ATG2B: variants seen among roughly 807,000 people sequenced by gnomAD.
ATG2B encodes the protein autophagy related 2B.
ATG2B carries 121 observed loss-of-function variants against 241.3 expected under a neutral mutation model. The observed-to-expected ratio is 0.50, with a 90% CI of 0.43 to 0.58. The LOEUF (loss-of-function observed/expected upper bound fraction) is 0.58, where lower values mean the gene tolerates loss of function less well. ATG2B is among the 20% of genes least tolerant of loss of function. The pLI, the probability that ATG2B is intolerant of heterozygous loss-of-function variation, is 0.00. For missense variants in ATG2B, 2,306 were observed against 2,491.6 expected (o/e 0.93, Z 1.59); for synonymous variants, 858 against 876.6 (o/e 0.98, Z 0.37).
At position 96,325,849 on chromosome 14, in the gene ATG2B, G is replaced by C; in HGVS notation, c.2237C>G (p.Ala746Gly). Reference protein sequence around the residue: ...PANCRISVQVATPALNLSVRF... With the variant: ...PANCRISVQVGTPALNLSVRF... ...AACAGAAAGGTTTAATGCTGGTGTG[G>C]CAACTTGTACTGATATCCGACAATT... The change falls in exon 15 of 42, where the codon GCC becomes GGC. Residue 746 changes from alanine to glycine, a missense_variant. Coordinates refer to ENST00000359933, the MANE Select transcript of ATG2B (RefSeq NM_018036.7). 4 of 1,613,964 alleles carry C rather than the reference G, an allele frequency of 2.5e-6. No homozygotes were observed. Among genetic ancestry groups the C allele is most frequent in the Non-Finnish European group, 3.4e-6 (4 of 1,179,982 alleles).
rs1888723402 is a variant in ATG2B, at chr14:96,363,038, A to G, written c.-62T>C. 1.3e-6 allele frequency: 2 copies of G among 1,595,630 alleles called. No individual in the cohort carries two copies. Among genetic ancestry groups the G allele is most frequent in the African/African-American group, 1.3e-5 (1 of 74,462 alleles). On this transcript the variant is annotated 5_prime_UTR_variant, in exon 1 of 42. Coordinates refer to ENST00000359933, the MANE Select transcript of ATG2B (RefSeq NM_018036.7). ...GTTGCGACGGCTCCGGCCTCGGGGTAGCGACTCCGGCTCCAGGCCGCGGCG... is the reference window on the plus strand; with the variant it reads ...GTTGCGACGGCTCCGGCCTCGGGGTGGCGACTCCGGCTCCAGGCCGCGGCG...
chr14:96,318,435 T>C (rs1887374092), intron 18 of ATG2B: 1 of 152,202 alleles, frequency 6.6e-6, no homozygotes, highest in Non-Finnish European at 1.5e-5. Flanking sequence ...TTATGTAGAT[T>C]ACATCCAGCT....
At chr14:96,324,149 T>C in intron 15 of ATG2B, 151 bp from the exon 16 acceptor site, 1 of 589,836 alleles carries the variant, frequency 1.7e-6, no homozygotes, top group East Asian at 2.9e-5. Context: ...GCACGTGTGG[T>C]AGACAGAATG....
In ATG2B at chr14:96,322,597, T is replaced by C; in HGVS notation, c.2679A>G (p.Leu893=). 1 of 1,613,694 alleles carries C rather than the reference T, an allele frequency of 6.2e-7. No individual in the cohort carries two copies. The highest frequency in any genetic ancestry group is 8.5e-7 in the Non-Finnish European group (1 of 1,179,904). Residue 893 remains leucine, a synonymous_variant, in exon 17 of 42, where the codon CTA becomes CTG. Coordinates refer to ENST00000359933, the MANE Select transcript of ATG2B (RefSeq NM_018036.7). ...AAAAAGGAGATGGGGCTGGTCTTCT[T>C]AGATCACAAACATCTTTCAAGGAAT... The part of the protein sequence containing the change: ...GAHSLKDVCD[L]RRPAPSPFSS...
At position 96,289,694 on chromosome 14, in the gene ATG2B, TCAGG is replaced by T; in HGVS notation, c.5964_5967del (p.Asp1988GlufsTer12). On this transcript the variant is annotated frameshift_variant, in exon 41 of 42. Transcript: ENST00000359933. LOFTEE classifies it high-confidence loss of function. The surrounding 1 kb of genome is among the most constrained non-coding windows in gnomAD (Gnocchi z 4.3). The stretch of plus-strand genomic sequence containing the variant: ...CTGTAGGCCTTGGCCACACCTTCCC[TCAGG>T]TCTACTGGCTGGTGGGCTAACCGGT... The T allele has an allele frequency of 6.2e-7, 1 of 1,614,200 alleles. No homozygotes were observed. Among genetic ancestry groups the T allele is most frequent in the Non-Finnish European group, 8.5e-7 (1 of 1,180,018 alleles).
intron 6 of ATG2B, among the ~76,000 whole-genome samples, chr14:96,338,544 A>AC (rs1397980862): frequency 1.3e-5 from 2 of 152,122 alleles, no homozygotes; most frequent in African/African-American, 2.4e-5. Context: ...TGGTTAAAAC[A>AC]CCCCCTATTC....
intron 21 of ATG2B, among the ~76,000 whole-genome samples, chr14:96,316,239 A>G (rs1410086791): frequency 6.6e-6 from 1 of 152,198 alleles, no homozygotes; most frequent in Non-Finnish European, 1.5e-5. Flanking sequence ...GGTAATAAAC[A>G]TGTTTTAAAA....
chr14:96,327,383 T>C (rs75015425), intron 14 of ATG2B, among the ~76,000 whole-genome samples: 2 of 152,156 alleles, frequency 1.3e-5, no homozygotes, highest in Admixed American at 6.5e-5. Context: ...CCTGGTCCTC[T>C]GGCCCCAAAA....
At chr14:96,307,754 T>C (rs1886993435) in intron 29 of ATG2B, among the ~76,000 whole-genome samples, 1 of 152,092 alleles carries the variant, frequency 6.6e-6, no homozygotes, top group Non-Finnish European at 1.5e-5. Flanking sequence ...GATTCAAGTA[T>C]GAAAAGAAGA....
At chr14:96,340,461 G>A (rs1287811819) in intron 6 of ATG2B, among the ~76,000 whole-genome samples, 3 of 151,860 alleles carry the variant, frequency 2.0e-5, no homozygotes, top group South Asian at 4.2e-4. Flanking sequence ...AAAAGATAAC[G>A]CATGTTCTCA....
Position 96,311,299 on chromosome 14 carries a change from A to C in ATG2B, c.3991-12T>G. ...AAGCGGGGCTCAGTCTGGACAAGAC[A>C]CAGAAAAAGGGATGAAAATGTTTTC... On this transcript the variant is annotated splice_polypyrimidine_tract_variant and intron_variant, in intron 27 of 41. Transcript: ENST00000359933. 6.3e-7 allele frequency: 1 copy of C among 1,591,398 alleles called. No individual in the cohort carries two copies.
At chr14:96,313,579 T>A in intron 23 of ATG2B, 144 bp from the exon 24 acceptor site, 1 of 514,608 alleles carries the variant, frequency 1.9e-6, no homozygotes, top group Admixed American at 3.8e-5. Context: ...AAAAAAATCA[T>A]CATTTTGAAG....
rs763733056 is a variant in ATG2B, at chr14:96,313,447, A to C, written c.3643-12T>G. On this transcript the variant is annotated splice_polypyrimidine_tract_variant and intron_variant, in intron 23 of 41. Coordinates refer to ENST00000359933, the MANE Select transcript of ATG2B (RefSeq NM_018036.7). Reference sequence around the variant, plus strand: ...AAGAAGTATAAAATCTATAATCACAAAAAATTAAAACGCCCTGCTTTAGAA... The same window carrying C: ...AAGAAGTATAAAATCTATAATCACACAAAATTAAAACGCCCTGCTTTAGAA... 4.8e-6 allele frequency: 7 copies of C among 1,446,498 alleles called. No individual in the cohort carries two copies. The South Asian group carries it at 9.1e-5, about 19-fold the overall frequency. 89.6% of individuals were successfully genotyped at this position (1,446,498 alleles called of 1,614,324 possible).
At chr14:96,331,742 A>G in intron 10 of ATG2B, 105 bp from the exon 11 acceptor site, 1 of 900,506 alleles carries the variant, frequency 1.1e-6, no homozygotes, top group Non-Finnish European at 1.7e-6. Context: ...AGATGATCAT[A>G]CAACAGTTTG....
rs1194497779 is a variant in ATG2B at position 96,339,319 on chromosome 14, CACACATATAT to C, written c.924+2193_924+2202del. Among the ~76,000 whole-genome samples the C allele has an allele frequency of 2.1e-4, 32 of 151,540 alleles. No individual in the cohort carries two copies. In the East Asian group the frequency reaches 2.1e-3, roughly 10 times the overall value. On this transcript the variant is annotated intron_variant, in intron 6 of 41. Coordinates refer to ENST00000359933, the MANE Select transcript of ATG2B (RefSeq NM_018036.7). ...GTGTGTGTGTGTATACATATATACA[CACACATATAT>C]ACACATATATACACAAACATATATA...
chr14:96,290,591 C>T lies in ATG2B; in HGVS notation c.5702-1G>A. 6.2e-7 allele frequency: 1 copy of T among 1,613,780 alleles called. No individual in the cohort carries two copies. Among genetic ancestry groups the T allele is most frequent in the Non-Finnish European group, 8.5e-7 (1 of 1,179,808 alleles). ...CAGACCAAGTCCTTTAGGCCTTGTA[C>T]TACAACAGTCAACACAAAATCAACA... On this transcript the variant is annotated splice_acceptor_variant, in intron 39 of 41. Coordinates refer to ENST00000359933, the MANE Select transcript of ATG2B (RefSeq NM_018036.7). LOFTEE classifies it high-confidence loss of function. The surrounding 1 kb of genome is among the most constrained non-coding windows in gnomAD (Gnocchi z 4.4).
rs201128734 is a variant in ATG2B at position 96,334,368 on chromosome 14, A to G, written c.1021+37T>C. ...TTTTAAAGTTTTTTAAAATTTAAAA[A>G]AGTAACAAGTATATATAATAACAGA... On this transcript the variant is annotated intron_variant, in intron 7 of 41. Coordinates refer to ENST00000359933, the MANE Select transcript of ATG2B (RefSeq NM_018036.7). 159 of 1,382,306 alleles carry G rather than the reference A, an allele frequency of 1.2e-4. No homozygotes were observed. The African/African-American group carries it at 2.1e-3, about 19-fold the overall frequency. The allele number at this position is 1,382,306 out of a possible 1,614,324, so 85.6% of individuals were successfully genotyped here. A position where few individuals can be genotyped will look rare whatever the true frequency, so the allele number is the denominator to read the frequency against.
chr14:96,324,160 A>T, intron 15 of ATG2B, 162 bp from the exon 16 acceptor site: 1 of 574,376 alleles, frequency 1.7e-6, no homozygotes, highest in East Asian at 3.0e-5. Flanking sequence ...AGACAGAATG[A>T]GCCAATAAAT....
chr14:96,285,827 A>C lies in ATG2B; in HGVS notation c.6165T>G (p.Gly2055=), dbSNP rs752422916. 2.5e-6 allele frequency: 4 copies of C among 1,614,026 alleles called. No individual in the cohort carries two copies. Among genetic ancestry groups the C allele is most frequent in the Non-Finnish European group, 3.4e-6 (4 of 1,180,008 alleles). ...VATEATSNVL[G]GMRNQIRPDV... ...CTGGCCTAATTTGGTTTCTCATGCC[A>C]CCCAGCACGTTTGACGTTGCTTCTG... Residue 2055 remains glycine, a synonymous_variant, in exon 42 of 42, where the codon GGT becomes GGG. Transcript: ENST00000359933. The surrounding 1 kb of genome is among the most constrained non-coding windows in gnomAD (Gnocchi z 4.2).
Sources: gnomAD v4.1 joint callset for allele counts (sites outside exome capture counted in the v4.1 genomes callset) on GRCh38, gnomAD v4.1.1 for gene constraint, Gnocchi (gnomAD v3.1) non-coding constraint, MANE v1.5 for transcripts, NCBI Gene and HGNC (gene_info 2026-07-23, HGNC 2026-07-21) for gene names.